Variants in FKBP3 observed in about 807,000 individuals in gnomAD.
FKBP3 encodes the protein FKBP prolyl isomerase 3, also known as peptidyl-prolyl cis-trans isomerase FKBP3.
In FKBP3, 21 loss-of-function variants were observed where a neutral mutation model predicts 30.6. That is an observed-to-expected ratio of 0.69 (90% confidence interval 0.49 to 0.99). FKBP3 has a LOEUF of 0.99. Ranked by LOEUF, FKBP3 falls within the 50% of genes least tolerant of loss-of-function variation. The pLI is 0.00. For synonymous variants in FKBP3, 82 were observed against 91.3 expected, an observed-to-expected ratio of 0.90 and a Z score of 0.58; for missense variants, 283 against 261.6, an observed-to-expected ratio of 1.08 and a Z score of -0.56.
chr14:45,120,600 C>T (rs1459873362), intron 5 of FKBP3, among the ~76,000 whole-genome samples: 2 of 152,168 alleles, frequency 1.3e-5, no homozygotes, highest in Admixed American at 6.5e-5. Context: ...AATGGGTACA[C>T]ATGGAAGGGA....
At chr14:45,118,202 T>C (rs1472289576) in intron 5 of FKBP3, 77 bp from the exon 6 acceptor site, 5 of 805,666 alleles carry the variant, frequency 6.2e-6, no homozygotes, top group South Asian at 1.6e-5. Context: ...CAAGACAAGA[T>C]TGTATGTTAA....
intron 6 of FKBP3, among the ~76,000 whole-genome samples, chr14:45,116,501 T>G (rs2016738): frequency 0.048 from 7,223 of 151,018 alleles, 234 homozygotes; most frequent in South Asian, 0.12. Context: ...TATATACATA[T>G]AGAGAGAGAG....
chr14:45,133,311 CA>C, intron 1 of FKBP3: 3 of 294,532 alleles, frequency 1.0e-5, no homozygotes, highest in Non-Finnish European at 2.1e-5. Flanking sequence ...ATTAAAAATA[CA>C]AAAAATTAAC....
At chr14:45,125,059 G>A (rs1284295348) in intron 3 of FKBP3, among the ~76,000 whole-genome samples, 1 of 152,180 alleles carries the variant, frequency 6.6e-6, no homozygotes, top group Non-Finnish European at 1.5e-5. Flanking sequence ...TGGGACTACA[G>A]GCATGAACCA....
Position 45,129,868 on chromosome 14 carries a change from A to T in FKBP3, c.244T>A (p.Ser82Thr). Residue 82 changes from serine to threonine, a missense_variant, in exon 3 of 7, where the codon TCT (serine) becomes ACT (threonine). Physicochemically the swap from Ser to Thr is moderately conservative, Grantham distance 58. Coordinates refer to ENST00000396062, the MANE Select transcript of FKBP3 (RefSeq NM_002013.4). ...AGCTTCACATTTTTTACTTGCTCAG[A>T]CACTTTACTTATACTTTCAGTACCC... Reference protein sequence around the residue: ...FKGTESISKVSEQVKNVKLNE... With the variant: ...FKGTESISKVTEQVKNVKLNE... 1 of 1,613,014 alleles carries T rather than the reference A, an allele frequency of 6.2e-7. No homozygotes were observed. The highest frequency in any genetic ancestry group is 8.5e-7 in the Non-Finnish European group (1 of 1,179,416).
At position 45,117,612 on chromosome 14, in the gene FKBP3, A is replaced by G. The variant is rs572112457; in HGVS notation, c.620+416T>C. ...TCACAACTGGTAATCTCCCACATCT[A>G]TTCCATTTCTAAGCTTTGAATTTAA... On this transcript the variant is annotated intron_variant, in intron 6 of 6. Coordinates refer to ENST00000396062, the MANE Select transcript of FKBP3 (RefSeq NM_002013.4). Among the ~76,000 whole-genome samples, 6 of 152,240 alleles carry G rather than the reference A, an allele frequency of 3.9e-5. No individual in the cohort carries two copies. In the South Asian group the frequency reaches 1.2e-3, roughly 32 times the overall value.
chr14:45,118,649 CA>C (rs933096573), intron 5 of FKBP3, among the ~76,000 whole-genome samples: 1 of 145,806 alleles, frequency 6.9e-6, no homozygotes, highest in Non-Finnish European at 1.5e-5. Context: ...AAACAAAAAA[CA>C]AAAAAAAAAC....
chr14:45,134,379 G>C lies in FKBP3; in HGVS notation c.78C>G (p.Ile26Met), dbSNP rs139680673. The change falls in exon 1 of 7, where the codon ATC (isoleucine) becomes ATG (methionine). Residue 26 changes from isoleucine to methionine, a missense_variant. Transcript: ENST00000396062. ...CTGAACCGTGTTCCTGCAGAAACTT[G>C]ATAATGTCCTTCTTGGGCAGCTGCT... ...RSEQLPKKDI[I>M]KFLQEHGSDS... 3 of 1,613,804 alleles carry C rather than the reference G, an allele frequency of 1.9e-6. No individual in the cohort carries two copies. Among genetic ancestry groups the C allele is most frequent in the Non-Finnish European group, 2.5e-6 (3 of 1,179,896 alleles).
intron 1 of FKBP3, chr14:45,131,264 G>A (rs748963): frequency 6.5e-6 from 1 of 153,086 alleles, no homozygotes; most frequent in Non-Finnish European, 1.5e-5. Context: ...CATATGTTGA[G>A]ATTGCTATGC....
At position 45,116,025 on chromosome 14, in the gene FKBP3, A is replaced by G. The variant is rs1884824898; in HGVS notation, c.*173T>C. The G allele has an allele frequency of 1.1e-5, 6 of 558,438 alleles. No individual in the cohort carries two copies. Among genetic ancestry groups the G allele is most frequent in the African/African-American group, 7.5e-5 (4 of 53,286 alleles). 34.6% of individuals were successfully genotyped at this position (558,438 alleles called of 1,614,324 possible). ...AAGTATTTTAGACCAGGGATTCATA[A>G]GGGATTTATCTCTCAAAAGCTGGGA... is the stretch of plus-strand genomic sequence containing the variant. On this transcript the variant is annotated 3_prime_UTR_variant, in exon 7 of 7. Coordinates refer to ENST00000396062, the MANE Select transcript of FKBP3 (RefSeq NM_002013.4).
At chr14:45,122,270 G>A (rs1401805407) in intron 3 of FKBP3, among the ~76,000 whole-genome samples, 1 of 143,764 alleles carries the variant, frequency 7.0e-6, no homozygotes, top group Non-Finnish European at 1.6e-5. Context: ...AGAATCTTAG[G>A]GAGTTAATTA....
chr14:45,119,500 CAG>C (rs927553636), intron 5 of FKBP3, among the ~76,000 whole-genome samples: 3 of 151,750 alleles, frequency 2.0e-5, no homozygotes, highest in Non-Finnish European at 4.4e-5. Context: ...ACTCAGGAGA[CAG>C]AGGTTGCAGT....
In FKBP3 at chr14:45,134,445, G is replaced by GGCCGCCGCCATCTTCC; in HGVS notation, c.-5_11dup (p.Val5GlufsTer19). The GGCCGCCGCCATCTTCC allele has an allele frequency of 6.2e-7, 1 of 1,609,794 alleles. No individual in the cohort carries two copies. The highest frequency in any genetic ancestry group is 1.1e-5 in the South Asian group (1 of 90,890). Reference sequence around the variant, plus strand: ...CCACGGTCCACGCCCGCTGTGGAACGGCCGCCGCCATCTTCCCCCGCTGCC... The same window carrying GGCCGCCGCCATCTTCC: ...CCACGGTCCACGCCCGCTGTGGAACGGCCGCCGCCATCTTCCGCCGCCGCCATCTTCCCCCGCTGCC... On this transcript the variant is annotated frameshift_variant, in exon 1 of 7. Coordinates refer to ENST00000396062, the MANE Select transcript of FKBP3 (RefSeq NM_002013.4). LOFTEE classifies it high-confidence loss of function.
At chr14:45,122,835 T>C (rs1885014483) in intron 3 of FKBP3, among the ~76,000 whole-genome samples, 1 of 152,044 alleles carries the variant, frequency 6.6e-6, no homozygotes, top group African/African-American at 2.4e-5. Flanking sequence ...GGTCAAGTTA[T>C]GCAAATTTTT....
At chr14:45,128,923 GAT>G (rs1351087264) in intron 3 of FKBP3, among the ~76,000 whole-genome samples, 1 of 152,122 alleles carries the variant, frequency 6.6e-6, no homozygotes, top group Non-Finnish European at 1.5e-5. Context: ...CTACTCAATA[GAT>G]ATAACATTTA....
chr14:45,130,598 A>T (rs908412400), intron 2 of FKBP3, 101 bp downstream of exon 2: 3 of 646,478 alleles, frequency 4.6e-6, no homozygotes, highest in Non-Finnish European at 7.5e-6. Flanking sequence ...TACAGGTGGA[A>T]AAGCTCCAAC....
intron 1 of FKBP3, chr14:45,133,507 T>G (rs1885274126): frequency 6.4e-6 from 1 of 155,148 alleles, no homozygotes; most frequent in Non-Finnish European, 1.5e-5. Context: ...TTTTTCTAAA[T>G]GAAAAGTTTA....
At chr14:45,116,499 TATAGAG>T (rs936505617) in intron 6 of FKBP3, among the ~76,000 whole-genome samples, 3 of 151,518 alleles carry the variant, frequency 2.0e-5, no homozygotes, top group African/African-American at 7.3e-5. Flanking sequence ...TATATATACA[TATAGAG>T]AGAGAGTATT....
intron 3 of FKBP3, among the ~76,000 whole-genome samples, chr14:45,126,293 G>A (rs952941483): frequency 1.3e-5 from 2 of 151,502 alleles, no homozygotes; most frequent in African/African-American, 4.8e-5. Context: ...TTCGACAATA[G>A]CCTGACCAAC....
Sources: allele counts gnomAD v4.1 joint callset (sites outside exome capture counted in the v4.1 genomes callset), GRCh38; gene constraint gnomAD v4.1.1; transcripts MANE v1.5; gene names NCBI Gene and HGNC (gene_info 2026-07-23, HGNC 2026-07-21).